The following C6orf132 variants were observed in gnomAD, a reference collection of about 807,000 sequenced individuals.
C6orf132 encodes the protein uncharacterized protein C6orf132.
C6orf132 carries 43 observed loss-of-function variants against 65.3 expected under a neutral mutation model. The observed-to-expected ratio is 0.66, with a 90% CI of 0.52 to 0.85. C6orf132 has a LOEUF of 0.85. C6orf132 is among the 40% of genes least tolerant of loss of function. The probability of loss-of-function intolerance (pLI) is 0.00; values close to 1 mark genes in which losing one functional copy is unlikely to be tolerated. For missense variants in C6orf132, 1,488 were observed against 1,548.8 expected (o/e 0.96, Z 0.66); for synonymous variants, 631 against 654.1 (o/e 0.96, Z 0.54).
chr6:42,120,280 TC>T (rs1228863115), intron 2 of C6orf132, among the ~76,000 whole-genome samples: 3 of 150,726 alleles, frequency 2.0e-5, no homozygotes, highest in African/African-American at 7.3e-5. Flanking sequence ...GGAGTCTTGC[TC>T]TGTTGCCCAG....
chr6:42,107,724 C>T, intron 3 of C6orf132, 141 bp from the exon 4 acceptor site: 1 of 1,032,138 alleles, frequency 9.7e-7, no homozygotes, highest in Non-Finnish European at 1.4e-6. Flanking sequence ...AGAGAGGGAG[C>T]AGCCCTGTGT....
At chr6:42,112,301 C>G (rs1300437639) in intron 2 of C6orf132, among the ~76,000 whole-genome samples, 2 of 152,206 alleles carry the variant, frequency 1.3e-5, no homozygotes, top group African/African-American at 2.4e-5. Context: ...GGAGCTCCCA[C>G]TCCTTAGTAT....
Position 42,142,545 on chromosome 6 carries a change from G to C in C6orf132, c.-101C>G. ...ACGGTCTCCCCAGGGGACTCTACCA[G>C]GCCATGTCCCCCGCCGTCCTCCCCG... On this transcript the variant is annotated 5_prime_UTR_variant, in exon 1 of 5. Coordinates refer to ENST00000341865, the MANE Select transcript of C6orf132 (RefSeq NM_001164446.3). The C allele has an allele frequency of 1.6e-6, 2 of 1,215,702 alleles. No individual in the cohort carries two copies. The highest frequency in any genetic ancestry group is 2.2e-6 in the Non-Finnish European group (2 of 927,206). The allele number at this position is 1,215,702 out of a possible 1,614,324, so 75.3% of individuals were successfully genotyped here.
chr6:42,115,371 G>A (rs1363535260), intron 2 of C6orf132, among the ~76,000 whole-genome samples: 1 of 152,014 alleles, frequency 6.6e-6, no homozygotes. Context: ...AAAAGGCCGG[G>A]CGCAGTGGCT....
In C6orf132 at chr6:42,104,407, C is replaced by T. The variant is rs754458044; in HGVS notation, c.3449+56G>A. The stretch of plus-strand genomic sequence containing the variant: ...GACGGATGGCCGGGACTCCTTGGCC[C>T]TCGCCTGGCTTTCCACCCCTCCTGG... On this transcript the variant is annotated intron_variant, in intron 4 of 4. Coordinates refer to ENST00000341865, the MANE Select transcript of C6orf132 (RefSeq NM_001164446.3). This position sits in a 1 kb window ranked among gnomAD's most constrained non-coding sequence, Gnocchi z 4.1. 3.3e-6 allele frequency: 4 copies of T among 1,228,162 alleles called. No homozygotes were observed. The highest frequency in any genetic ancestry group is 3.0e-6 in the Non-Finnish European group (3 of 985,898). The allele number at this position is 1,228,162 out of a possible 1,614,324, so 76.1% of individuals were successfully genotyped here. A position where few individuals can be genotyped will look rare whatever the true frequency, so the allele number is the denominator to read the frequency against.
intron 1 of C6orf132, among the ~76,000 whole-genome samples, chr6:42,137,664 C>T (rs942912658): frequency 4.6e-5 from 7 of 152,082 alleles, no homozygotes; most frequent in African/African-American, 1.2e-4. Flanking sequence ...AAGAGAATAG[C>T]CTTGCTCCAT....
Position 42,104,599 on chromosome 6 carries a change from T to G in C6orf132, c.3313A>C (p.Asn1105His). Residue 1105 changes from asparagine (N) to histidine (H), a missense_variant, in exon 4 of 5, where the codon AAC becomes CAC. Transcript: ENST00000341865. This position sits in a 1 kb window ranked among gnomAD's most constrained non-coding sequence, Gnocchi z 4.1. ...QPGGPEMRRV[N>H]SAGRAPPGGL... is the part of the protein sequence containing the mutation. ...CCGGGGGGCGCGCGACCCGCCGAGT[T>G]CACGCGCCGCATCTCGGGGCCTCCG... The G allele has an allele frequency of 7.5e-7, 1 of 1,341,262 alleles. No homozygotes were observed. Among genetic ancestry groups the G allele is most frequent in the Non-Finnish European group, 9.5e-7 (1 of 1,051,896 alleles). The allele number at this position is 1,341,262 out of a possible 1,614,324, so 83.1% of individuals were successfully genotyped here.
Position 42,103,381 on chromosome 6 carries a change from C to A in C6orf132, c.*380G>T. 1 of 397,136 alleles carries A rather than the reference C, an allele frequency of 2.5e-6. No individual in the cohort carries two copies. 24.6% of individuals were successfully genotyped at this position (397,136 alleles called of 1,614,324 possible). A position where few individuals can be genotyped will look rare whatever the true frequency, so the allele number is the denominator to read the frequency against. Reference sequence around the variant, plus strand: ...CGATGGGTTCCAGTTCAGTCAGTGCCCCACCCCTTGCTTTCAGAACCTGCT... The same window carrying A: ...CGATGGGTTCCAGTTCAGTCAGTGCACCACCCCTTGCTTTCAGAACCTGCT... On this transcript the variant is annotated 3_prime_UTR_variant, in exon 5 of 5. Transcript: ENST00000341865.
chr6:42,105,246 G>C lies in C6orf132; in HGVS notation c.2666C>G (p.Pro889Arg). ...SDSIFHSQGT[P>R]NSFTVVPKLP... ...CTTGGGCACCACAGTGAAGGAGTTGGGCGTGCCCTGGCTGTGGAAGATGCT... is the reference window on the plus strand; with the variant it reads ...CTTGGGCACCACAGTGAAGGAGTTGCGCGTGCCCTGGCTGTGGAAGATGCT... The change falls in exon 4 of 5, where the codon CCC becomes CGC. Residue 889 changes from proline (P) to arginine (R), a missense_variant. Transcript: ENST00000341865. 1 of 1,537,202 alleles carries C rather than the reference G, an allele frequency of 6.5e-7. No homozygotes were observed. The highest frequency in any genetic ancestry group is 8.7e-7 in the Non-Finnish European group (1 of 1,146,894).
intron 2 of C6orf132, among the ~76,000 whole-genome samples, chr6:42,115,373 G>A (rs922789646): frequency 1.3e-5 from 2 of 151,548 alleles, no homozygotes; most frequent in South Asian, 2.1e-4. Context: ...AAGGCCGGGC[G>A]CAGTGGCTCA....
chr6:42,137,058 A>G (rs1402864773), intron 1 of C6orf132, among the ~76,000 whole-genome samples: 1 of 152,190 alleles, frequency 6.6e-6, no homozygotes, highest in African/African-American at 2.4e-5. Context: ...AAGATTCCAG[A>G]TGACTGGGTG....
At position 42,104,560 on chromosome 6, in the gene C6orf132, G is replaced by A; in HGVS notation, c.3352C>T (p.Pro1118Ser). The A allele has an allele frequency of 3.1e-6, 4 of 1,283,968 alleles. No homozygotes were observed. Among genetic ancestry groups the A allele is most frequent in the Non-Finnish European group, 3.9e-6 (4 of 1,018,004 alleles). 79.5% of individuals were successfully genotyped at this position (1,283,968 alleles called of 1,614,324 possible). A position where few individuals can be genotyped will look rare whatever the true frequency, so the allele number is the denominator to read the frequency against. Residue 1118 changes from proline (P) to serine (S), a missense_variant, in exon 4 of 5, where the codon CCG becomes TCG. Pro to Ser is a moderately conservative substitution (Grantham distance 74, BLOSUM62 -1). Coordinates refer to ENST00000341865, the MANE Select transcript of C6orf132 (RefSeq NM_001164446.3). The surrounding 1 kb of genome is among the most constrained non-coding windows in gnomAD (Gnocchi z 4.1). Reference sequence around the variant, plus strand: ...GCGGCGCCCTCCAGGGACAGCCTCGGCGCGTGCAGGCCTCCGGGGGGCGCG... The same window carrying A: ...GCGGCGCCCTCCAGGGACAGCCTCGACGCGTGCAGGCCTCCGGGGGGCGCG... ...GRAPPGGLHA[P>S]RLSLEGAARG... is the part of the protein sequence containing the mutation.
chr6:42,107,870 C>T (rs749863919), intron 3 of C6orf132, among the ~76,000 whole-genome samples: 6 of 152,130 alleles, frequency 3.9e-5, no homozygotes, highest in Non-Finnish European at 7.4e-5. Flanking sequence ...TAACCTGTGC[C>T]GGGACTCCCT....
intron 3 of C6orf132, among the ~76,000 whole-genome samples, chr6:42,109,098 G>GA (rs888324028): frequency 1.3e-5 from 2 of 152,138 alleles, no homozygotes; most frequent in African/African-American, 4.8e-5. Context: ...AGTGCGATGG[G>GA]AAAAAACACC....
At position 42,104,800 on chromosome 6, in the gene C6orf132, G is replaced by T; in HGVS notation, c.3112C>A (p.Arg1038Ser). ...PGAPPALGFS[R>S]FPAGARYAGA... ...GCGTAGCGCGCGCCCGCGGGAAAGCGCGAGAAGCCGAGAGCCGGGGGCGCC... is the reference window on the plus strand; with the variant it reads ...GCGTAGCGCGCGCCCGCGGGAAAGCTCGAGAAGCCGAGAGCCGGGGGCGCC... Residue 1038 changes from arginine (R) to serine (S), a missense_variant, in exon 4 of 5, where the codon CGC becomes AGC. Arg to Ser is a moderately radical substitution (Grantham distance 110, BLOSUM62 -1). Transcript: ENST00000341865. This position sits in a 1 kb window ranked among gnomAD's most constrained non-coding sequence, Gnocchi z 4.1. 2.7e-6 allele frequency: 4 copies of T among 1,492,150 alleles called. No homozygotes were observed. In the South Asian group the frequency reaches 5.0e-5, roughly 19 times the overall value. The allele number at this position is 1,492,150 out of a possible 1,614,324, so 92.4% of individuals were successfully genotyped here. A position where few individuals can be genotyped will look rare whatever the true frequency, so the allele number is the denominator to read the frequency against.
Position 42,105,785 on chromosome 6 carries a change from C to G in C6orf132, c.2127G>C (p.Lys709Asn). ...PTTTSQLMAE[K>N]DSGPAGQPEK... ...CTGGCTGGCCAGCTGGGCCTGAGTC[C>G]TTCTCTGCCATCAGTTGGGATGTGG... Residue 709 changes from lysine (K) to asparagine (N), a missense_variant, in exon 4 of 5, where the codon AAG (lysine) becomes AAC (asparagine). By Grantham distance (94) the Lys-to-Asn change is moderately conservative. Transcript: ENST00000341865. 1 of 1,537,322 alleles carries G rather than the reference C, an allele frequency of 6.5e-7. No individual in the cohort carries two copies. The highest frequency in any genetic ancestry group is 8.7e-7 in the Non-Finnish European group (1 of 1,146,930).
At chr6:42,109,261 T>C (rs1766461984) in intron 3 of C6orf132, among the ~76,000 whole-genome samples, 1 of 151,958 alleles carries the variant, frequency 6.6e-6, no homozygotes, top group African/African-American at 2.4e-5. Flanking sequence ...GGTGAAACAC[T>C]GTCTCTACTA....
intron 2 of C6orf132, among the ~76,000 whole-genome samples, chr6:42,111,490 G>A (rs922146094): frequency 4.6e-5 from 7 of 152,012 alleles, no homozygotes; most frequent in Non-Finnish European, 1.0e-4. Flanking sequence ...CACCATGTTG[G>A]CCAGGCTGGT....
intron 1 of C6orf132, among the ~76,000 whole-genome samples, chr6:42,134,977 G>C (rs1182912450): frequency 6.6e-6 from 1 of 152,152 alleles, no homozygotes. Context: ...CTCCAGCCTG[G>C]GCAACAGAGT....
Sources: gnomAD v4.1 joint callset for allele counts (sites outside exome capture counted in the v4.1 genomes callset) on GRCh38, gnomAD v4.1.1 for gene constraint, Gnocchi (gnomAD v3.1) non-coding constraint, MANE v1.5 for transcripts, NCBI Gene and HGNC (gene_info 2026-07-23, HGNC 2026-07-21) for gene names.